The following GALNT17 variants were observed in gnomAD, a reference collection of about 807,000 sequenced individuals.
GALNT17 encodes the protein UDP-GalNAc:polypeptide N-acetylgalactosaminyltransferase-like 3.
In GALNT17, 29 loss-of-function variants were observed where a neutral mutation model predicts 63.7. The ratio of observed to expected loss-of-function variants is 0.46; its 90% CI spans 0.34 to 0.62. The LOEUF (loss-of-function observed/expected upper bound fraction) is 0.62, where lower values mean the gene tolerates loss of function less well. GALNT17 is among the 20% of genes least tolerant of loss of function. GALNT17 has a pLI of 0.01. For missense variants in GALNT17, 603 were observed against 799.6 expected, an observed-to-expected ratio of 0.75 and a Z score of 2.97; for synonymous variants, 305 against 318.3, an observed-to-expected ratio of 0.96 and a Z score of 0.45.
chr7:71,582,544 G>C (rs1255705255), intron 6 of GALNT17, among the ~76,000 whole-genome samples: 2 of 151,948 alleles, frequency 1.3e-5, no homozygotes, highest in Non-Finnish European at 2.9e-5. Flanking sequence ...TCGTGCCACT[G>C]CACTCCAGCC....
chr7:71,322,066 A>G (rs1011579865), intron 1 of GALNT17, among the ~76,000 whole-genome samples: 1 of 151,362 alleles, frequency 6.6e-6, no homozygotes, highest in Non-Finnish European at 1.5e-5. Flanking sequence ...GCTCTCTCAC[A>G]TCAGTCTTCT....
At chr7:71,707,578 G>C (rs1791739040) in intron 9 of GALNT17, among the ~76,000 whole-genome samples, 1 of 152,168 alleles carries the variant, frequency 6.6e-6, no homozygotes, top group Admixed American at 6.5e-5. Flanking sequence ...CTACAGGTCA[G>C]CTGGATGGTT....
chr7:71,560,085 T>G (rs1789229321), intron 5 of GALNT17, among the ~76,000 whole-genome samples: 1 of 148,148 alleles, frequency 6.8e-6, no homozygotes, highest in Non-Finnish European at 1.5e-5. Context: ...TCCCAGCTAC[T>G]CGGGAGGCTG....
chr7:71,597,859 C>T (rs1789910857), intron 6 of GALNT17, among the ~76,000 whole-genome samples: 1 of 152,134 alleles, frequency 6.6e-6, no homozygotes, highest in African/African-American at 2.4e-5. Flanking sequence ...CTTCTCAGTG[C>T]CCCTCAAAGT....
At chr7:71,447,937 G>T (rs1416916189) in intron 5 of GALNT17, among the ~76,000 whole-genome samples, 1 of 152,188 alleles carries the variant, frequency 6.6e-6, no homozygotes, top group Non-Finnish European at 1.5e-5. Flanking sequence ...CCCTCTAGCA[G>T]TGATCCTGGG....
intron 1 of GALNT17, among the ~76,000 whole-genome samples, chr7:71,250,279 C>G (rs138819362): frequency 6.6e-6 from 1 of 151,896 alleles, no homozygotes; most frequent in Non-Finnish European, 1.5e-5. Context: ...CAAGAATAGG[C>G]CATTATATTT....
At chr7:71,276,444 G>A (rs1290755164) in intron 1 of GALNT17, among the ~76,000 whole-genome samples, 3 of 152,194 alleles carry the variant, frequency 2.0e-5, no homozygotes, top group African/African-American at 7.2e-5. Flanking sequence ...ACCTTGAATT[G>A]TAATAATCCC....
In GALNT17 at chr7:71,132,544, T is replaced by G. The variant is rs1787700341; in HGVS notation, c.-259T>G. 1 of 460,456 alleles carries G rather than the reference T, an allele frequency of 2.2e-6. No individual in the cohort carries two copies. Among genetic ancestry groups the G allele is most frequent in the Non-Finnish European group, 3.8e-6 (1 of 260,716 alleles). 28.5% of individuals were successfully genotyped at this position (460,456 alleles called of 1,614,324 possible). The stretch of plus-strand genomic sequence containing the variant: ...TCGCGGAGACGCCTGGACGGGGCCG[T>G]GCGCCGTGGACTGAGCAGGCGTCTC... On this transcript the variant is annotated 5_prime_UTR_variant, in exon 1 of 11. Coordinates refer to ENST00000333538, the MANE Select transcript of GALNT17 (RefSeq NM_022479.3).
At position 71,245,848 on chromosome 7, in the gene GALNT17, G is replaced by GTTT. The variant is rs542136452; in HGVS notation, c.239-89688_239-89686dup. On this transcript the variant is annotated intron_variant, in intron 1 of 10. Coordinates refer to ENST00000333538, the MANE Select transcript of GALNT17 (RefSeq NM_022479.3). ...AGGTCTGCAGAGAGCAAGAGAGCAG[G>GTTT]TTTTTTTTTTTTTTTTGCAAAGGTA... Among the ~76,000 whole-genome samples, 84 of 122,894 alleles carry GTTT rather than the reference G, an allele frequency of 6.8e-4. 4 individuals are homozygous for GTTT. Among genetic ancestry groups the GTTT allele is most frequent in the South Asian group, 3.5e-3 (13 of 3,686 alleles). 80.6% of individuals were successfully genotyped at this position (122,894 alleles called of 152,430 possible).
intron 5 of GALNT17, among the ~76,000 whole-genome samples, chr7:71,493,631 C>T (rs530019795): frequency 2.0e-5 from 3 of 152,178 alleles, no homozygotes; most frequent in African/African-American, 7.2e-5. Flanking sequence ...GGGGAAACCA[C>T]CCCTATGATC....
chr7:71,584,110 A>T (rs1215242430), intron 6 of GALNT17, among the ~76,000 whole-genome samples: 1 of 152,272 alleles, frequency 6.6e-6, no homozygotes, highest in East Asian at 1.9e-4. Flanking sequence ...CCAGCCTGGG[A>T]GACAGAGCCA....
At chr7:71,168,306 G>T (rs145816891) in intron 1 of GALNT17, among the ~76,000 whole-genome samples, 42 of 152,202 alleles carry the variant, frequency 2.8e-4, no homozygotes, top group African/African-American at 1.0e-3. Flanking sequence ...GGGCGCGGTG[G>T]CTCATGCCTG....
chr7:71,383,665 C>G (rs1453407775), intron 2 of GALNT17, among the ~76,000 whole-genome samples: 1 of 152,150 alleles, frequency 6.6e-6, no homozygotes, highest in Non-Finnish European at 1.5e-5. Flanking sequence ...AACTCCTGGC[C>G]TCTAGCACTC....
At chr7:71,608,401 T>C (rs1282999473) in intron 6 of GALNT17, among the ~76,000 whole-genome samples, 1 of 152,020 alleles carries the variant, frequency 6.6e-6, no homozygotes, top group Non-Finnish European at 1.5e-5. Flanking sequence ...GGGATGGAGG[T>C]GTCACGTGGA....
At chr7:71,471,416 A>AAC (rs1260790854) in intron 5 of GALNT17, among the ~76,000 whole-genome samples, 6 of 145,420 alleles carry the variant, frequency 4.1e-5, no homozygotes, top group African/African-American at 1.0e-4. Context: ...AAAAAAAAAC[A>AAC]AAAAAAACCA....
At position 71,412,734 on chromosome 7, in the gene GALNT17, T is replaced by C. The variant is rs796487079; in HGVS notation, c.590-3155T>C. ...TCAACTTGTTCTTCTCTTCTCTTCT[T>C]TTTCTCTTTTTAAATCAATCTTATC... On this transcript the variant is annotated intron_variant, in intron 3 of 10. Transcript: ENST00000333538. 1.9e-4 allele frequency among the ~76,000 whole-genome samples: 29 copies of C among 152,296 alleles called. 1 individual carries two copies. The highest frequency in any genetic ancestry group is 6.7e-4 in the African/African-American group (28 of 41,564).
intron 5 of GALNT17, among the ~76,000 whole-genome samples, chr7:71,559,191 A>G (rs1239821453): frequency 6.6e-6 from 1 of 152,188 alleles, no homozygotes; most frequent in African/African-American, 2.4e-5. Context: ...ATTTATATGT[A>G]TAGCAGAGGC....
intron 5 of GALNT17, among the ~76,000 whole-genome samples, chr7:71,447,205 A>T (rs1787177101): frequency 6.6e-6 from 1 of 152,212 alleles, no homozygotes; most frequent in South Asian, 2.1e-4. Flanking sequence ...CTAGTCATAA[A>T]TATCAGGTCT....
At chr7:71,526,405 T>C (rs1584026162) in intron 5 of GALNT17, among the ~76,000 whole-genome samples, 1 of 152,244 alleles carries the variant, frequency 6.6e-6, no homozygotes, top group East Asian at 1.9e-4. Flanking sequence ...AAATATATTC[T>C]TTTGCAAAAC....
Sources: allele counts gnomAD v4.1 joint callset (sites outside exome capture counted in the v4.1 genomes callset), GRCh38; gene constraint gnomAD v4.1.1; transcripts MANE v1.5; gene names NCBI Gene and HGNC (gene_info 2026-07-23, HGNC 2026-07-21).